LRRTM4: variants seen among roughly 807,000 people sequenced by gnomAD.
LRRTM4 encodes the protein leucine rich repeat transmembrane neuronal 4.
Under a neutral mutation model 47.6 loss-of-function variants are expected in LRRTM4, and 25 were observed. That is an observed-to-expected ratio of 0.53 (90% CI 0.38 to 0.73). The LOEUF is 0.73. Among genes scored for constraint, LRRTM4 ranks in the 30% least tolerant of loss-of-function variants. The pLI is 0.00. For missense variants in LRRTM4, 638 were observed against 713.4 expected (o/e 0.89, Z 1.20); for synonymous variants, 311 against 269.5 (o/e 1.15, Z -1.51).
rs148989010 is a variant in LRRTM4 at position 77,082,000 on chromosome 2, ATAT to A, written c.1552-333087_1552-333085del. ...GAGATTACTGTCTTACAATCCATAC[ATAT>A]TATTTGAAAGATTTAGCATTACCTA... On this transcript the variant is annotated intron_variant, in intron 3 of 3. Coordinates refer to ENST00000409884, the MANE Select transcript of LRRTM4 (RefSeq NM_001134745.3). Among the ~76,000 whole-genome samples, 1,404 of 152,252 alleles carry A rather than the reference ATAT, an allele frequency of 9.2e-3. 30 individuals are homozygous for A. Among genetic ancestry groups the A allele is most frequent in the African/African-American group, 0.032 (1,341 of 41,558 alleles).
intron 3 of LRRTM4, among the ~76,000 whole-genome samples, chr2:77,068,592 A>G (rs1410664254): frequency 6.6e-6 from 1 of 152,140 alleles, no homozygotes. Context: ...CTTTAATTGT[A>G]TATGTTTTCA....
chr2:77,487,326 C>A (rs1677957639), intron 3 of LRRTM4, among the ~76,000 whole-genome samples: 2 of 152,254 alleles, frequency 1.3e-5, no homozygotes, highest in South Asian at 4.1e-4. Flanking sequence ...CCTGCTCCCA[C>A]TGCCTGGCTT....
chr2:77,297,857 C>T (rs1192087506), intron 3 of LRRTM4, among the ~76,000 whole-genome samples: 3 of 152,184 alleles, frequency 2.0e-5, no homozygotes, highest in Non-Finnish European at 4.4e-5. Flanking sequence ...TGTTACAATG[C>T]TGCTTTAGGA....
intron 3 of LRRTM4, among the ~76,000 whole-genome samples, chr2:77,329,317 C>T (rs1219131150): frequency 1.3e-5 from 2 of 152,138 alleles, no homozygotes; most frequent in African/African-American, 4.8e-5. Context: ...TAGTGAATGC[C>T]TAATGTGTGC....
chr2:76,927,408 C>T (rs1331396346), intron 3 of LRRTM4, among the ~76,000 whole-genome samples: 1 of 152,076 alleles, frequency 6.6e-6, no homozygotes, highest in Non-Finnish European at 1.5e-5. Flanking sequence ...TTTTGTTCTT[C>T]CTGATAACCA....
intron 3 of LRRTM4, among the ~76,000 whole-genome samples, chr2:77,502,651 A>T (rs1465439779): frequency 6.6e-6 from 1 of 151,776 alleles, no homozygotes; most frequent in Admixed American, 6.6e-5. Flanking sequence ...AGTCCAACAA[A>T]AAAAGTCATG....
In LRRTM4 at chr2:76,804,598, C is replaced by G. The variant is rs11126571; in HGVS notation, c.1552-55682G>C. The stretch of plus-strand genomic sequence containing the variant: ...CCACTGGGTACATCTGTACAAGATA[C>G]TATGCATACTATACATATGCATAGT... On this transcript the variant is annotated intron_variant, in intron 3 of 3. Coordinates refer to ENST00000409884, the MANE Select transcript of LRRTM4 (RefSeq NM_001134745.3). 2.7e-5 allele frequency among the ~76,000 whole-genome samples: 4 copies of G among 149,088 alleles called. No homozygotes were observed. The South Asian group carries it at 6.3e-4, about 23-fold the overall frequency.
intron 3 of LRRTM4, among the ~76,000 whole-genome samples, chr2:76,966,761 A>G (rs1676038554): frequency 6.6e-6 from 1 of 151,406 alleles, no homozygotes; most frequent in Non-Finnish European, 1.5e-5. Context: ...GATTTTTTGC[A>G]ATTCTTATAC....
chr2:76,780,031 G>A (rs935848764), intron 3 of LRRTM4, among the ~76,000 whole-genome samples: 6 of 152,116 alleles, frequency 3.9e-5, no homozygotes, highest in African/African-American at 1.4e-4. Flanking sequence ...AGCTTAGTTT[G>A]GCTGGATATG....
chr2:77,425,050 T>G (rs1250934357), intron 3 of LRRTM4, among the ~76,000 whole-genome samples: 1 of 152,158 alleles, frequency 6.6e-6, no homozygotes, highest in African/African-American at 2.4e-5. Flanking sequence ...ACTATTCCAA[T>G]TACAAAAAGA....
At chr2:77,303,018 C>A (rs1049977336) in intron 3 of LRRTM4, among the ~76,000 whole-genome samples, 2 of 142,982 alleles carry the variant, frequency 1.4e-5, no homozygotes, top group African/African-American at 6.0e-5. Context: ...GATCTATCTA[C>A]TAATATATAT....
At chr2:77,232,281 A>T (rs1674986133) in intron 3 of LRRTM4, among the ~76,000 whole-genome samples, 1 of 152,144 alleles carries the variant, frequency 6.6e-6, no homozygotes, top group South Asian at 2.1e-4. Flanking sequence ...TTATTCCTTT[A>T]TTATTTAATT....
At chr2:76,755,264 A>G (rs59898270) in intron 3 of LRRTM4, among the ~76,000 whole-genome samples, 2,867 of 152,268 alleles carry the variant, frequency 0.019, 92 homozygotes, top group African/African-American at 0.064. Context: ...AAGTTTTGCA[A>G]AGATAAGACA....
chr2:76,811,036 T>G (rs899260047), intron 3 of LRRTM4, among the ~76,000 whole-genome samples: 7 of 152,150 alleles, frequency 4.6e-5, no homozygotes, highest in African/African-American at 1.7e-4. Context: ...AATTGAAATA[T>G]AGAAAGGAAA....
At chr2:77,155,214 T>G (rs1243163762) in intron 3 of LRRTM4, among the ~76,000 whole-genome samples, 1 of 152,012 alleles carries the variant, frequency 6.6e-6, no homozygotes, top group Non-Finnish European at 1.5e-5. Context: ...AATTTTTATT[T>G]TCTATTTTTT....
chr2:77,042,227 A>G (rs1401964928), intron 3 of LRRTM4, among the ~76,000 whole-genome samples: 2 of 151,426 alleles, frequency 1.3e-5, no homozygotes, highest in African/African-American at 4.8e-5. Context: ...ATACTGACAT[A>G]TTTAGGGGTA....
chr2:77,433,669 G>C (rs1286336483), intron 3 of LRRTM4, among the ~76,000 whole-genome samples: 3 of 152,070 alleles, frequency 2.0e-5, no homozygotes, highest in African/African-American at 7.2e-5. Flanking sequence ...CACCAATTAA[G>C]GGAAGCCATA....
chr2:77,245,540 AAGAAGAAG>A (rs200695039), intron 3 of LRRTM4, among the ~76,000 whole-genome samples: 4 of 80,802 alleles, frequency 5.0e-5, no homozygotes, highest in Admixed American at 1.2e-4. Flanking sequence ...AAAAAAAAAG[AAGAAGAAG>A]AGAAGAAGAG....
intron 3 of LRRTM4, among the ~76,000 whole-genome samples, chr2:77,324,768 T>C (rs1670695691): frequency 6.6e-6 from 1 of 152,180 alleles, no homozygotes; most frequent in Non-Finnish European, 1.5e-5. Flanking sequence ...GGTTTCATTT[T>C]GTTTAAGAAG....
Sources: gnomAD v4.1 joint callset for allele counts (sites outside exome capture counted in the v4.1 genomes callset) on GRCh38, gnomAD v4.1.1 for gene constraint, MANE v1.5 for transcripts, NCBI Gene and HGNC (gene_info 2026-07-23, HGNC 2026-07-21) for gene names.